GLRA2: variants seen among roughly 807,000 people sequenced by gnomAD.
The protein encoded by GLRA2 is glycine receptor alpha 2, also known as glycine receptor subunit alpha-2.
Under a neutral mutation model 31.6 loss-of-function variants are expected in GLRA2, and 11 were observed. The ratio of observed to expected loss-of-function variants is 0.35; its 90% CI spans 0.22 to 0.58. GLRA2 has a LOEUF of 0.58. GLRA2 is among the 20% of genes least tolerant of loss of function. The pLI is 0.84. For missense variants in GLRA2, 212 were observed against 351.8 expected (o/e 0.60, Z 3.18); for synonymous variants, 132 against 134.0 (o/e 0.99, Z 0.10).
chrX:14,511,431 C>T, the GLRA2 span, among the ~76,000 whole-genome samples: 34 of 111,448 alleles, frequency 3.1e-4, no homozygotes, highest in African/African-American at 8.8e-4. Context: ...GAATTCTTCC[C>T]TTTATTCATA....
At chrX:14,493,670 TATAC>T in the GLRA2 span, among the ~76,000 whole-genome samples, 1 of 97,333 alleles carries the variant, frequency 1.0e-5, no homozygotes, top group African/African-American at 4.1e-5. Context: ...CATATATATG[TATAC>T]ATGTGTATAC....
chrX:14,689,733 G>A (rs1255340585), intron 7 of GLRA2, among the ~76,000 whole-genome samples: 2 of 111,991 alleles, frequency 1.8e-5, no homozygotes, highest in African/African-American at 6.5e-5. Flanking sequence ...AATTAGAACT[G>A]AATAGTACAC....
At chrX:14,594,622 G>C (rs1351461479) in intron 4 of GLRA2, among the ~76,000 whole-genome samples, 1 of 111,544 alleles carries the variant, frequency 9.0e-6, no homozygotes, top group Non-Finnish European at 1.9e-5. Context: ...CAAAGCATTT[G>C]GGAAAATTTT....
chrX:14,623,374 T>C (rs1257216824), intron 7 of GLRA2, among the ~76,000 whole-genome samples: 3 of 111,409 alleles, frequency 2.7e-5, no homozygotes, highest in Non-Finnish European at 5.7e-5. Flanking sequence ...TAGCCAGAAC[T>C]TCCAACACTA....
intron 6 of GLRA2, 98 bp downstream of exon 6, chrX:14,607,366 AC>A: frequency 1.4e-6 from 1 of 727,987 alleles, no homozygotes; most frequent in Non-Finnish European, 2.0e-6. Flanking sequence ...CTGCATATTT[AC>A]CAGGCAAATA....
At chrX:14,640,032 G>C (rs1224126361) in intron 7 of GLRA2, among the ~76,000 whole-genome samples, 1 of 111,978 alleles carries the variant, frequency 8.9e-6, no homozygotes, top group African/African-American at 3.2e-5. Flanking sequence ...GCCATTGCAT[G>C]GTTTCTCCTT....
chrX:14,500,090 T>C, the GLRA2 span, among the ~76,000 whole-genome samples: 1 of 112,147 alleles, frequency 8.9e-6, no homozygotes, highest in African/African-American at 3.2e-5. Flanking sequence ...TTCAGTTGCT[T>C]GTGCTTTTGC....
chrX:14,622,403 T>C (rs2090531562), intron 7 of GLRA2, among the ~76,000 whole-genome samples: 1 of 111,941 alleles, frequency 8.9e-6, no homozygotes, highest in Non-Finnish European at 1.9e-5. Context: ...TTTGTTGCCA[T>C]TGCTTTTGGT....
the GLRA2 span, among the ~76,000 whole-genome samples, chrX:14,493,689 A>T: frequency 1.0e-5 from 1 of 97,342 alleles, no homozygotes; most frequent in Non-Finnish European, 2.0e-5. Context: ...GTATACATAT[A>T]CACGTATATA....
rs112316577 is a variant in GLRA2, at chrX:14,690,691, G to C, written c.931-19G>C. 4.9e-3 allele frequency: 4,562 copies of C among 923,786 alleles called. 97 individuals are homozygous for C. In the African/African-American group the frequency reaches 0.076, roughly 15 times the overall value. 76.1% of individuals were successfully genotyped at this position (923,786 alleles called of 1,213,427 possible). A position where few individuals can be genotyped will look rare whatever the true frequency, so the allele number is the denominator to read the frequency against. On this transcript the variant is annotated intron_variant, in intron 7 of 8. Transcript: ENST00000218075. ...TCTCTCTCTCTCTGTGTGTGTGTGT[G>C]TCTCTCTCTCTCTCTCAGGTCTCCT...
intron 7 of GLRA2, among the ~76,000 whole-genome samples, chrX:14,660,438 T>C (rs1366350654): frequency 8.9e-6 from 1 of 112,059 alleles, no homozygotes; most frequent in Non-Finnish European, 1.9e-5. Context: ...TAGGTCCTTG[T>C]TGACCACTGA....
At chrX:14,507,861 T>G in the GLRA2 span, among the ~76,000 whole-genome samples, 1 of 107,547 alleles carries the variant, frequency 9.3e-6, no homozygotes, top group Non-Finnish European at 1.9e-5. Context: ...ACCCAGCTAA[T>G]TTTTGTATTT....
chrX:14,521,877 A>G, the GLRA2 span, among the ~76,000 whole-genome samples: 38 of 112,349 alleles, frequency 3.4e-4, no homozygotes, highest in African/African-American at 1.2e-3. Flanking sequence ...GCTAACTATC[A>G]TCTGAGCCTT....
At chrX:14,461,780 G>A in the GLRA2 span, among the ~76,000 whole-genome samples, 1 of 112,055 alleles carries the variant, frequency 8.9e-6, no homozygotes, top group Non-Finnish European at 1.9e-5. Flanking sequence ...AGAGCACACT[G>A]ATGGGTCTTG....
In GLRA2 at chrX:14,571,901, A is replaced by T. The variant is rs1365464949; in HGVS notation, c.203-2432A>T. ...ATGAAATGAGGGAAGTGCAACAAAA[A>T]GGTTGAAAGTTTAGGTTTTTGGAAT... On this transcript the variant is annotated intron_variant, in intron 2 of 8. Coordinates refer to ENST00000218075, the MANE Select transcript of GLRA2 (RefSeq NM_002063.4). Among the ~76,000 whole-genome samples the T allele has an allele frequency of 1.3e-4, 14 of 111,696 alleles. No individual in the cohort carries two copies. The Admixed American group carries it at 1.3e-3, about 11-fold the overall frequency.
intron 2 of GLRA2, among the ~76,000 whole-genome samples, chrX:14,564,317 G>T (rs978109919): frequency 2.8e-5 from 3 of 108,872 alleles, no homozygotes; most frequent in African/African-American, 1.0e-4. Flanking sequence ...TATTTAAAGT[G>T]CTGAGAGAAA....
intron 8 of GLRA2, among the ~76,000 whole-genome samples, chrX:14,710,780 C>T (rs971445304): frequency 3.6e-5 from 4 of 111,545 alleles, no homozygotes; most frequent in African/African-American, 1.3e-4. Flanking sequence ...TGGGTCAGCA[C>T]CTTCAATGTG....
intron 2 of GLRA2, among the ~76,000 whole-genome samples, chrX:14,539,197 G>C (rs1447506825): frequency 9.0e-6 from 1 of 110,856 alleles, no homozygotes; most frequent in Non-Finnish European, 1.9e-5. Context: ...TAAGTCATTA[G>C]TTTGTTCTTG....
intron 4 of GLRA2, among the ~76,000 whole-genome samples, chrX:14,581,753 A>C (rs1437113750): frequency 1.0e-5 from 1 of 95,357 alleles, no homozygotes; most frequent in Non-Finnish European, 2.1e-5. Context: ...GCCATTCTGT[A>C]ACATTCAAGC....
Sources: gnomAD v4.1 joint callset for allele counts (sites outside exome capture counted in the v4.1 genomes callset) on GRCh38, gnomAD v4.1.1 for gene constraint, MANE v1.5 for transcripts, NCBI Gene and HGNC (gene_info 2026-07-23, HGNC 2026-07-21) for gene names.